TAB2: variants seen among roughly 807,000 people sequenced by gnomAD.
TAB2 encodes the protein TGF-beta activated kinase 1 (MAP3K7) binding protein 2, also known as TGF-beta-activated kinase 1 and MAP3K7-binding protein 2.
In TAB2, 3 loss-of-function variants were observed where a neutral mutation model predicts 65.0. The observed-to-expected ratio is 0.05, with a 90% CI of 0.02 to 0.12. TAB2 has a LOEUF of 0.12. TAB2 is among the 10% of genes least tolerant of loss of function. The pLI, the probability that TAB2 is intolerant of heterozygous loss-of-function variation, is 1.00. For missense variants in TAB2, 623 were observed against 840.3 expected (o/e 0.74, Z 3.20); for synonymous variants, 298 against 285.1 (o/e 1.05, Z -0.46).
intron 1 of TAB2, among the ~76,000 whole-genome samples, chr6:149,310,840 A>T (rs895656636): frequency 1.3e-5 from 2 of 152,214 alleles, no homozygotes; most frequent in Non-Finnish European, 2.9e-5. Context: ...TCAAAATCAC[A>T]TAGTCTTCTT....
chr6:149,248,180 T>C (rs73603503), intron 1 of TAB2, among the ~76,000 whole-genome samples: 13,270 of 151,984 alleles, frequency 0.087, 1,002 homozygotes, highest in African/African-American at 0.2. Flanking sequence ...TCACCTGAGG[T>C]CAGGAGTTCA....
chr6:149,376,430 A>G (rs1781399095), intron 2 of TAB2, among the ~76,000 whole-genome samples: 1 of 152,226 alleles, frequency 6.6e-6, no homozygotes, highest in Admixed American at 6.5e-5. Context: ...CATTTTCAAT[A>G]CAAATATTTA....
Position 149,368,170 on chromosome 6 carries a change from T to C in TAB2, c.-89-1739T>C, listed in dbSNP as rs116447866. ...AAGTAAACTGAGAAGAATCTGCCAG[T>C]AAGTAGAAGGAAAGCCAGAAGAGTA... is the stretch of plus-strand genomic sequence containing the variant. On this transcript the variant is annotated intron_variant, in intron 1 of 6. Coordinates refer to ENST00000637181, the MANE Select transcript of TAB2 (RefSeq NM_001292034.3). 6.8e-3 allele frequency among the ~76,000 whole-genome samples: 1,036 copies of C among 152,118 alleles called. 8 individuals carry two copies. The highest frequency in any genetic ancestry group is 0.024 in the African/African-American group (981 of 41,504).
chr6:149,379,733 T>G lies in TAB2; in HGVS notation c.1603+215T>G, dbSNP rs35169694. The stretch of plus-strand genomic sequence containing the variant: ...AAACTGGAAGTTTGAGTAATTGGGT[T>G]ATCAGCTCTTCAGAGTAACCAAATC... On this transcript the variant is annotated intron_variant, in intron 3 of 6. Transcript: ENST00000637181. Among the ~76,000 whole-genome samples the G allele has an allele frequency of 0.02, 3,015 of 152,288 alleles. 47 individuals carry two copies. Among genetic ancestry groups the G allele is most frequent in the Middle Eastern group, 0.051 (15 of 294 alleles).
chr6:149,297,314 C>G (rs1778893118), intron 1 of TAB2, among the ~76,000 whole-genome samples: 1 of 152,190 alleles, frequency 6.6e-6, no homozygotes, highest in African/African-American at 2.4e-5. Context: ...AGGATCCAAT[C>G]AAGGATCACG....
chr6:149,383,338 A>G (rs994887144), intron 3 of TAB2, among the ~76,000 whole-genome samples: 25 of 152,206 alleles, frequency 1.6e-4, no homozygotes, highest in Admixed American at 7.2e-4. Flanking sequence ...TTTCTCCAGA[A>G]TCTGCCCCTC....
At chr6:149,323,729 C>CTT (rs1487603004) in intron 1 of TAB2, among the ~76,000 whole-genome samples, 1 of 152,144 alleles carries the variant, frequency 6.6e-6, no homozygotes, top group African/African-American at 2.4e-5. Context: ...GGTTATGAGG[C>CTT]TTTCAGTCAT....
At chr6:149,366,111 C>T (rs557814464) in intron 1 of TAB2, among the ~76,000 whole-genome samples, 1 of 152,130 alleles carries the variant, frequency 6.6e-6, no homozygotes, top group South Asian at 2.1e-4. Flanking sequence ...TGCCTTTTCT[C>T]TTGAGTATGG....
chr6:149,279,509 T>A (rs570064934), intron 1 of TAB2, among the ~76,000 whole-genome samples: 1 of 152,302 alleles, frequency 6.6e-6, no homozygotes, highest in African/African-American at 2.4e-5. Flanking sequence ...CACGTGGCAA[T>A]GTCTGACATT....
At chr6:149,283,661 G>C (rs890051159) in intron 1 of TAB2, among the ~76,000 whole-genome samples, 14 of 152,112 alleles carry the variant, frequency 9.2e-5, no homozygotes, top group Non-Finnish European at 1.3e-4. Context: ...AGTGAGCCGA[G>C]ATCACTCCAT....
intron 3 of TAB2, 129 bp downstream of exon 3, chr6:149,379,647 G>T (rs188139799): frequency 5.6e-5 from 47 of 844,996 alleles, no homozygotes; most frequent in Non-Finnish European, 7.3e-5. Context: ...TGATGTTATT[G>T]TAACATTTGA....
Position 149,379,219 on chromosome 6 carries a change from A to G in TAB2, c.1304A>G (p.His435Arg). 1 of 1,614,192 alleles carries G rather than the reference A, an allele frequency of 6.2e-7. No individual in the cohort carries two copies. The highest frequency in any genetic ancestry group is 8.5e-7 in the Non-Finnish European group (1 of 1,180,028). ...AGCATGGGTCCTGCCTTTATTCATC[A>G]CCATCCTCCCAAAAGTCGAGCAATA... ...QVSMGPAFIH[H>R]HPPKSRAIGN... The change falls in exon 3 of 7, where the codon CAC becomes CGC. Residue 435 changes from histidine (H) to arginine (R), a missense_variant. Transcript: ENST00000637181.
At chr6:149,336,779 C>T (rs1779946768) in intron 1 of TAB2, among the ~76,000 whole-genome samples, 1 of 152,136 alleles carries the variant, frequency 6.6e-6, no homozygotes, top group Admixed American at 6.6e-5. Context: ...GTGGGTTGAA[C>T]ATGTTCAGAC....
intron 1 of TAB2, among the ~76,000 whole-genome samples, chr6:149,234,823 G>A (rs1332943400): frequency 7.3e-6 from 1 of 137,654 alleles, no homozygotes; most frequent in Non-Finnish European, 1.5e-5. Flanking sequence ...TGCCAGATAA[G>A]TAGAAGATAA....
rs530571980 is a variant in TAB2, at chr6:149,261,626, T to C, written c.-121+42850T>C. Among the ~76,000 whole-genome samples the C allele has an allele frequency of 2.0e-5, 3 of 152,294 alleles. No individual in the cohort carries two copies. In the East Asian group the frequency reaches 5.8e-4, roughly 29 times the overall value. On this transcript the variant is annotated intron_variant, in intron 1 of 1. Coordinates refer to the TAB2 transcript ENST00000606202. The stretch of plus-strand genomic sequence containing the variant: ...ATCCCACGGTGTACTGACAGCATTG[T>C]TAAAGCTCCAAATTATATTTAATGA...
chr6:149,388,581 G>A (rs917801563), intron 3 of TAB2, among the ~76,000 whole-genome samples: 1 of 152,028 alleles, frequency 6.6e-6, no homozygotes, highest in Non-Finnish European at 1.5e-5. Context: ...TTTGTAGGTG[G>A]TTGAAAAAAG....
chr6:149,310,841 T>C (rs1779154361), intron 1 of TAB2, among the ~76,000 whole-genome samples: 2 of 152,232 alleles, frequency 1.3e-5, no homozygotes, highest in South Asian at 4.1e-4. Flanking sequence ...CAAAATCACA[T>C]AGTCTTCTTT....
At chr6:149,225,484 C>T (rs12201953) in intron 1 of TAB2, among the ~76,000 whole-genome samples, 8,888 of 152,134 alleles carry the variant, frequency 0.058, 451 homozygotes, top group South Asian at 0.14. Context: ...TTTGACATGA[C>T]CCATGGAATA....
rs1321685303 is a variant in TAB2 at position 149,253,552 on chromosome 6, G to A, written c.-121+34776G>A. Among the ~76,000 whole-genome samples, 54 of 148,294 alleles carry A rather than the reference G, an allele frequency of 3.6e-4. 3 individuals are homozygous for A. The highest frequency in any genetic ancestry group is 3.0e-5 in the Non-Finnish European group (2 of 67,388). On this transcript the variant is annotated intron_variant, in intron 1 of 1. Transcript: ENST00000606202. The stretch of plus-strand genomic sequence containing the variant: ...GAAGAATCACTTGAACCTGGGAGGT[G>A]GAGGTTGCAGTGAGCCAAGATCGCA...
Sources: allele counts gnomAD v4.1 joint callset (sites outside exome capture counted in the v4.1 genomes callset), GRCh38; gene constraint gnomAD v4.1.1; transcripts MANE v1.5; gene names NCBI Gene and HGNC (gene_info 2026-07-23, HGNC 2026-07-21).